Variants in SMAD6 observed in about 807,000 individuals in gnomAD.
SMAD6 encodes MAD homolog 6.
Under a neutral mutation model 39.4 loss-of-function variants are expected in SMAD6, and 103 were observed. That is an observed-to-expected ratio of 2.62 (90% CI 2.23 to 3.08). The LOEUF (loss-of-function observed/expected upper bound fraction) is 3.08, where lower values mean the gene tolerates loss of function less well. Ranked by LOEUF, SMAD6 falls within the 30% of genes most tolerant of loss-of-function variation. SMAD6 has a pLI of 0.00. For synonymous variants in SMAD6, 445 were observed against 353.3 expected (o/e 1.26, Z -2.91); for missense variants, 1,104 against 742.9 (o/e 1.49, Z -5.65).
chr15:66,748,736 C>T (rs1269601161), intron 3 of SMAD6, among the ~76,000 whole-genome samples: 12 of 152,168 alleles, frequency 7.9e-5, no homozygotes, highest in Non-Finnish European at 1.6e-4. Flanking sequence ...CCCTTCCCTG[C>T]TGTTCCCTAA....
chr15:66,778,894 T>C (rs1296816211), intron 3 of SMAD6, among the ~76,000 whole-genome samples: 1 of 152,216 alleles, frequency 6.6e-6, no homozygotes, highest in Non-Finnish European at 1.5e-5. Flanking sequence ...TGGATGCCGT[T>C]GCCCGTCCTG....
intron 3 of SMAD6, among the ~76,000 whole-genome samples, chr15:66,756,515 A>G (rs1433605842): frequency 6.6e-6 from 1 of 152,162 alleles, no homozygotes; most frequent in Non-Finnish European, 1.5e-5. Flanking sequence ...CGGTTTCAGG[A>G]TTCTAGTTCA....
At chr15:66,736,616 G>A (rs1040702866) in intron 3 of SMAD6, among the ~76,000 whole-genome samples, 1 of 151,808 alleles carries the variant, frequency 6.6e-6, no homozygotes, top group Non-Finnish European at 1.5e-5. Context: ...CTCCACCCCA[G>A]ACCAGTTACA....
At chr15:66,762,606 TTCTTGGTGGG>T (rs1197795309) in intron 3 of SMAD6, among the ~76,000 whole-genome samples, 1 of 152,032 alleles carries the variant, frequency 6.6e-6, no homozygotes, top group Non-Finnish European at 1.5e-5. Context: ...CTGGAAGTGG[TTCTTGGTGGG>T]TCTTCACAAA....
At chr15:66,719,417 C>G (rs1270052795) in intron 3 of SMAD6, among the ~76,000 whole-genome samples, 2 of 152,060 alleles carry the variant, frequency 1.3e-5, no homozygotes, top group African/African-American at 4.8e-5. Context: ...CTGGACAAAC[C>G]TTGGGGACCA....
At chr15:66,742,826 T>G (rs1893838815) in intron 3 of SMAD6, among the ~76,000 whole-genome samples, 1 of 152,164 alleles carries the variant, frequency 6.6e-6, no homozygotes, top group South Asian at 2.1e-4. Flanking sequence ...GACTGCCCGC[T>G]GCGCTCCCTG....
intron 3 of SMAD6, among the ~76,000 whole-genome samples, chr15:66,774,384 G>A (rs1036412440): frequency 6.6e-6 from 1 of 152,156 alleles, no homozygotes; most frequent in African/African-American, 2.4e-5. Flanking sequence ...TTACATGTTG[G>A]GCTCGCAGCA....
chr15:66,755,450 T>C (rs1894080603), intron 3 of SMAD6, among the ~76,000 whole-genome samples: 1 of 152,224 alleles, frequency 6.6e-6, no homozygotes, highest in Non-Finnish European at 1.5e-5. Flanking sequence ...GCCAAGTAGA[T>C]GATTCCTTCT....
chr15:66,752,806 T>TAA (rs145076488), intron 3 of SMAD6, among the ~76,000 whole-genome samples: 8 of 151,224 alleles, frequency 5.3e-5, no homozygotes, highest in African/African-American at 1.7e-4. Context: ...AAAAAAATAA[T>TAA]AATAAAAAAA....
chr15:66,744,722 C>A (rs529339258), intron 3 of SMAD6, among the ~76,000 whole-genome samples: 2 of 152,188 alleles, frequency 1.3e-5, no homozygotes, highest in Non-Finnish European at 2.9e-5. Context: ...AATCCAAGAA[C>A]GTTGGTAGAG....
At chr15:66,779,861 T>A (rs559661418) in intron 3 of SMAD6, among the ~76,000 whole-genome samples, 1 of 152,350 alleles carries the variant, frequency 6.6e-6, no homozygotes, top group East Asian at 1.9e-4. Context: ...TGGGCAGTTA[T>A]AGGTGCCTGC....
At chr15:66,714,092 GA>G (rs1359825647) in intron 2 of SMAD6, among the ~76,000 whole-genome samples, 1 of 152,072 alleles carries the variant, frequency 6.6e-6, no homozygotes, top group Non-Finnish European at 1.5e-5. Context: ...TTCCATTAGA[GA>G]AAAAAACCCT....
chr15:66,723,358 TG>T (rs1167812150), intron 3 of SMAD6, among the ~76,000 whole-genome samples: 1 of 152,206 alleles, frequency 6.6e-6, no homozygotes, highest in Admixed American at 6.5e-5. Flanking sequence ...TGTGGGCTTT[TG>T]AATGACAAGT....
At chr15:66,730,638 A>G (rs1327685323) in intron 3 of SMAD6, among the ~76,000 whole-genome samples, 3 of 152,156 alleles carry the variant, frequency 2.0e-5, no homozygotes, top group African/African-American at 7.2e-5. Flanking sequence ...TTTTCATAGT[A>G]ATAATGACAA....
chr15:66,707,561 C>T (rs1217133846), intron 1 of SMAD6: 1 of 152,310 alleles, frequency 6.6e-6, no homozygotes, highest in African/African-American at 2.4e-5. Context: ...TCTGCTCCTC[C>T]TAGCTCCTCC....
At chr15:66,779,613 A>G (rs1192669152) in intron 3 of SMAD6, among the ~76,000 whole-genome samples, 1 of 152,228 alleles carries the variant, frequency 6.6e-6, no homozygotes, top group Non-Finnish European at 1.5e-5. Flanking sequence ...GCTTCTAGGC[A>G]GGGGCAAGAC....
At chr15:66,770,222 A>G (rs752739146) in intron 3 of SMAD6, among the ~76,000 whole-genome samples, 24 of 151,444 alleles carry the variant, frequency 1.6e-4, no homozygotes, top group Admixed American at 5.3e-4. Context: ...TGAACCCCCA[A>G]AGGGCCAATT....
rs760686075 is a variant in SMAD6, at chr15:66,781,312, G to A, written c.1268G>A (p.Arg423His). 3.7e-6 allele frequency: 6 copies of A among 1,600,730 alleles called. No homozygotes were observed. The highest frequency in any genetic ancestry group is 1.7e-4 in the Middle Eastern group (1 of 6,046). ...NSPTLDAPGG[R>H]ALVVRKVPPG... ...CCGACGCTGGACGCGCCCGGCGGCC[G>A]CGCCCTGGTCGTGCGCAAGGTGCCC... Residue 423 changes from arginine to histidine, a missense_variant, in exon 4 of 4, where the codon CGC (arginine) becomes CAC (histidine). Physicochemically the swap from Arg to His is conservative, Grantham distance 29. Transcript: ENST00000288840.
intron 3 of SMAD6, among the ~76,000 whole-genome samples, chr15:66,777,516 G>A (rs569793619): frequency 2.0e-5 from 3 of 152,356 alleles, no homozygotes; most frequent in African/African-American, 7.2e-5. Flanking sequence ...TGGGCATGAT[G>A]ATGTACATCG....
Sources: gnomAD v4.1 joint callset for allele counts (sites outside exome capture counted in the v4.1 genomes callset) on GRCh38, gnomAD v4.1.1 for gene constraint, MANE v1.5 for transcripts, NCBI Gene and HGNC (gene_info 2026-07-23, HGNC 2026-07-21) for gene names.